The following IRF2 variants were observed in gnomAD, a reference collection of about 807,000 sequenced individuals.
IRF2 encodes the protein interferon regulatory factor 2.
In IRF2, 15 loss-of-function variants were observed where a neutral mutation model predicts 40.6. That is an observed-to-expected ratio of 0.37 (90% CI 0.25 to 0.57). IRF2 has a LOEUF of 0.57. IRF2 is among the 20% of genes least tolerant of loss of function. The pLI is 0.77. For missense variants in IRF2, 317 were observed against 455.7 expected (o/e 0.70, Z 2.77); for synonymous variants, 151 against 165.5 (o/e 0.91, Z 0.67).
At chr4:184,453,862 G>A (rs1738818739) in intron 1 of IRF2, among the ~76,000 whole-genome samples, 1 of 152,134 alleles carries the variant, frequency 6.6e-6, no homozygotes, top group South Asian at 2.1e-4. Flanking sequence ...GCCCCTTCAG[G>A]AACACAGAAA....
chr4:184,470,639 G>GA (rs1413944331), intron 1 of IRF2, among the ~76,000 whole-genome samples: 1 of 144,228 alleles, frequency 6.9e-6, no homozygotes. Context: ...GCGGTGAGCT[G>GA]AAAGTGTGCC....
chr4:184,396,423 TA>T (rs1220982699), intron 7 of IRF2, among the ~76,000 whole-genome samples: 1 of 140,954 alleles, frequency 7.1e-6, no homozygotes, highest in African/African-American at 2.8e-5. Flanking sequence ...TCCATATATA[TA>T]TATTTTTTTT....
At chr4:184,472,603 C>T (rs1244358932) in intron 1 of IRF2, 1 of 152,092 alleles carries the variant, frequency 6.6e-6, no homozygotes, top group Non-Finnish European at 1.5e-5. Context: ...ACCACTTTTC[C>T]TCATTTAGAA....
At chr4:184,472,075 G>C (rs1739530582) in intron 1 of IRF2, 1 of 152,184 alleles carries the variant, frequency 6.6e-6, no homozygotes, top group South Asian at 2.1e-4. Context: ...TGAAATTCCG[G>C]ACTTTGACAC....
At chr4:184,429,875 G>A (rs1737811559) in intron 1 of IRF2, among the ~76,000 whole-genome samples, 1 of 151,978 alleles carries the variant, frequency 6.6e-6, no homozygotes, top group South Asian at 2.1e-4. Context: ...ACTTCTCCTG[G>A]TCCATCGGAA....
At chr4:184,400,547 A>G (rs1320557751) in intron 6 of IRF2, among the ~76,000 whole-genome samples, 1 of 152,208 alleles carries the variant, frequency 6.6e-6, no homozygotes, top group African/African-American at 2.4e-5. Context: ...TTGTATGAAT[A>G]TAAGTTTCCA....
chr4:184,401,283 A>C lies in IRF2; in HGVS notation c.530-2204T>G, dbSNP rs140360953. Reference sequence around the variant, plus strand: ...TTGCTGTCTGTGGAGTGACAAGCACATTATCTGATTTCTACGCAGGGAAGG... The same window carrying C: ...TTGCTGTCTGTGGAGTGACAAGCACCTTATCTGATTTCTACGCAGGGAAGG... On this transcript the variant is annotated intron_variant, in intron 6 of 8. Transcript: ENST00000393593. Among the ~76,000 whole-genome samples, 17 of 152,344 alleles carry C rather than the reference A, an allele frequency of 1.1e-4. No homozygotes were observed. In the East Asian group the frequency reaches 3.3e-3, roughly 29 times the overall value.
intron 2 of IRF2, 127 bp downstream of exon 2, chr4:184,428,851 G>C: frequency 2.6e-6 from 2 of 779,734 alleles, no homozygotes; most frequent in Non-Finnish European, 4.6e-6. Flanking sequence ...GATCATTTTG[G>C]GTTGGCTGGT....
At chr4:184,455,286 CCCTT>C (rs1164297713) in intron 1 of IRF2, among the ~76,000 whole-genome samples, 8 of 116,312 alleles carry the variant, frequency 6.9e-5, no homozygotes, top group Admixed American at 2.0e-4. Context: ...CCCTCCCCCT[CCCTT>C]CCTTCTTCTT....
intron 6 of IRF2, among the ~76,000 whole-genome samples, chr4:184,407,608 G>A (rs1051676981): frequency 2.0e-5 from 3 of 152,200 alleles, no homozygotes; most frequent in African/African-American, 7.2e-5. Context: ...TTATCTGGGG[G>A]TGTCTTTGTT....
At chr4:184,425,463 A>G (rs1023297367) in intron 2 of IRF2, among the ~76,000 whole-genome samples, 21 of 152,274 alleles carry the variant, frequency 1.4e-4, no homozygotes, top group Non-Finnish European at 2.8e-4. Flanking sequence ...GCTAGGCCTC[A>G]GCAGGATGCA....
intron 5 of IRF2, among the ~76,000 whole-genome samples, chr4:184,416,333 A>G (rs7658589): frequency 1.4e-5 from 2 of 146,988 alleles, no homozygotes; most frequent in Non-Finnish European, 3.0e-5. Flanking sequence ...AAAAACAAAA[A>G]AAAAAAAAAA....
intron 1 of IRF2, among the ~76,000 whole-genome samples, chr4:184,465,767 A>G (rs973498486): frequency 6.6e-6 from 1 of 152,182 alleles, no homozygotes; most frequent in Non-Finnish European, 1.5e-5. Flanking sequence ...CTTGTTTCCA[A>G]GTTTTTACAT....
chr4:184,399,057 G>C lies in IRF2; in HGVS notation c.552C>G (p.Asp184Glu). Residue 184 changes from aspartate (D) to glutamate (E), a missense_variant, in exon 7 of 9, where the codon GAC becomes GAG. This residue lies in a region of IRF2 where 262 missense variants were observed against 334.0 expected (regional missense o/e 0.78). Transcript: ENST00000393593. ...NIIVVGQSHL[D>E]SNIENQEIVT... ...CAATCTCTTGATTCTCAATGTTGCT[G>C]TCCAGATGGGACTGTCCTACAACTT... 1 of 1,609,016 alleles carries C rather than the reference G, an allele frequency of 6.2e-7. No individual in the cohort carries two copies.
intron 5 of IRF2, among the ~76,000 whole-genome samples, chr4:184,411,115 T>C (rs1737057621): frequency 6.6e-6 from 1 of 151,552 alleles, no homozygotes; most frequent in South Asian, 2.1e-4. Flanking sequence ...TAGAGTGCAA[T>C]GGCGTGATCT....
intron 7 of IRF2, among the ~76,000 whole-genome samples, chr4:184,393,604 CG>C (rs1736337658): frequency 6.6e-6 from 1 of 152,160 alleles, no homozygotes; most frequent in African/African-American, 2.4e-5. Context: ...TTTTCAGCTT[CG>C]GGGAAATAGC....
intron 5 of IRF2, among the ~76,000 whole-genome samples, chr4:184,412,135 G>T (rs1737100863): frequency 6.6e-6 from 1 of 152,018 alleles, no homozygotes; most frequent in Non-Finnish European, 1.5e-5. Flanking sequence ...ATCTACGTGG[G>T]TGCATGAACT....
intron 5 of IRF2, among the ~76,000 whole-genome samples, chr4:184,410,520 A>G (rs2149897354): frequency 6.6e-6 from 1 of 152,168 alleles, no homozygotes; most frequent in South Asian, 2.1e-4. Context: ...TCCTTTCTCA[A>G]TGGCGTCCTC....
chr4:184,442,563 C>T (rs778583628), intron 1 of IRF2, among the ~76,000 whole-genome samples: 12 of 152,116 alleles, frequency 7.9e-5, no homozygotes, highest in Non-Finnish European at 1.8e-4. Flanking sequence ...AGAAGACAAA[C>T]GCGCCACTAT....
Sources: allele counts gnomAD v4.1 joint callset (sites outside exome capture counted in the v4.1 genomes callset), GRCh38; gene constraint gnomAD v4.1.1; regional missense constraint gnomAD v4.1.1; transcripts MANE v1.5; gene names NCBI Gene and HGNC (gene_info 2026-07-23, HGNC 2026-07-21).